Variants in SLC25A48 observed in about 807,000 individuals in gnomAD.
SLC25A48 encodes solute carrier family 25 member 48.
SLC25A48 carries 29 observed loss-of-function variants against 32.2 expected under a neutral mutation model. That is an observed-to-expected ratio of 0.90 (90% CI 0.67 to 1.23). The LOEUF is 1.23. Ranked by LOEUF, SLC25A48 falls within the 50% of genes most tolerant of loss-of-function variation. SLC25A48 has a pLI of 0.00. For synonymous variants in SLC25A48, 164 were observed against 172.3 expected (o/e 0.95, Z 0.38); for missense variants, 399 against 422.7 (o/e 0.94, Z 0.49).
At chr5:135,708,232 C>T (rs1209705997) in intron 3 of SLC25A48, among the ~76,000 whole-genome samples, 1 of 152,184 alleles carries the variant, frequency 6.6e-6, no homozygotes, top group Admixed American at 6.5e-5. Context: ...CCTATGTACC[C>T]ATCACTCAGC....
At chr5:135,740,897 C>T (rs572315367) in intron 3 of SLC25A48, among the ~76,000 whole-genome samples, 1 of 152,190 alleles carries the variant, frequency 6.6e-6, no homozygotes, top group Non-Finnish European at 1.5e-5. Flanking sequence ...AGCCACTGCC[C>T]CCAGCCCAAG....
intron 1 of SLC25A48, among the ~76,000 whole-genome samples, chr5:135,837,896 A>G (rs935169749): frequency 6.6e-6 from 1 of 152,240 alleles, no homozygotes; most frequent in African/African-American, 2.4e-5. Flanking sequence ...GTAGAGTGGG[A>G]TGTTACAGTA....
At chr5:135,800,172 C>T (rs1359753192) in intron 3 of SLC25A48, among the ~76,000 whole-genome samples, 1 of 151,616 alleles carries the variant, frequency 6.6e-6, no homozygotes, top group Non-Finnish European at 1.5e-5. Flanking sequence ...CTTTTAATGT[C>T]CAGTGGGGGA....
In SLC25A48 at chr5:135,842,414, A is replaced by G; in HGVS notation, c.47-2A>G. On this transcript the variant is annotated splice_acceptor_variant, in intron 1 of 7. Transcript: ENST00000681962. LOFTEE classifies it high-confidence loss of function. ...TACTAGGCATTCTTTTTTGATCCAC[A>G]GGTGCAGCCAGTGTCATCGTTGGCC... is the stretch of plus-strand genomic sequence containing the variant. 1 of 1,613,818 alleles carries G rather than the reference A, an allele frequency of 6.2e-7. No homozygotes were observed. The highest frequency in any genetic ancestry group is 8.5e-7 in the Non-Finnish European group (1 of 1,179,748).
intron 2 of SLC25A48, among the ~76,000 whole-genome samples, chr5:135,847,417 A>G (rs926032664): frequency 6.6e-6 from 1 of 152,278 alleles, no homozygotes; most frequent in South Asian, 2.1e-4. Context: ...TGGGGAAACC[A>G]TGTGAGGCAG....
intron 3 of SLC25A48, among the ~76,000 whole-genome samples, chr5:135,668,837 A>G (rs1451639939): frequency 6.6e-6 from 1 of 152,234 alleles, no homozygotes; most frequent in Non-Finnish European, 1.5e-5. Flanking sequence ...TGCAAAGATT[A>G]AACAAAGCAA....
chr5:135,604,053 C>T (rs1302616675), intron 1 of SLC25A48, among the ~76,000 whole-genome samples: 3 of 152,232 alleles, frequency 2.0e-5, no homozygotes, highest in Non-Finnish European at 2.9e-5. Context: ...AATTCTTTGA[C>T]ATGAATTGTC....
chr5:135,587,386 A>G (rs1266368081), intron 1 of SLC25A48, among the ~76,000 whole-genome samples: 5 of 152,204 alleles, frequency 3.3e-5, no homozygotes, highest in Non-Finnish European at 7.3e-5. Context: ...TTCTGAAAAA[A>G]TGTAATGCAC....
intron 1 of SLC25A48, among the ~76,000 whole-genome samples, chr5:135,585,765 G>GATAATAATAATAATAATA (rs575237605): frequency 7.8e-4 from 118 of 151,350 alleles, no homozygotes; most frequent in East Asian, 4.9e-3. Flanking sequence ...GTAAAAAGAA[G>GATAATAATAATAATAATA]ATAATAATAA....
intron 3 of SLC25A48, among the ~76,000 whole-genome samples, chr5:135,643,937 T>C (rs801568): frequency 0.9 from 136,587 of 152,214 alleles, 61,472 homozygotes; most frequent in East Asian, 1. Flanking sequence ...CCAAGGCTGC[T>C]GCTAGTAAAA....
At chr5:135,705,897 T>G (rs1203995940) in intron 3 of SLC25A48, among the ~76,000 whole-genome samples, 3 of 152,098 alleles carry the variant, frequency 2.0e-5, no homozygotes, top group Admixed American at 6.5e-5. Context: ...ACTGGCAGGG[T>G]GGCAGAGGCT....
intron 3 of SLC25A48, among the ~76,000 whole-genome samples, chr5:135,688,118 A>G (rs577332071): frequency 3.3e-4 from 37 of 111,408 alleles, no homozygotes; most frequent in Admixed American, 2.4e-3. Context: ...CACAAGTGCA[A>G]TCATACCGTA....
intron 5 of SLC25A48, among the ~76,000 whole-genome samples, 169 bp from the exon 6 acceptor site, chr5:135,873,852 C>T (rs1467023926): frequency 6.6e-6 from 1 of 152,216 alleles, no homozygotes; most frequent in Non-Finnish European, 1.5e-5. Context: ...TGCCAAGTCT[C>T]ACAGCAAGTG....
chr5:135,631,869 A>G (rs1275658811), intron 2 of SLC25A48, among the ~76,000 whole-genome samples: 1 of 152,230 alleles, frequency 6.6e-6, no homozygotes. Flanking sequence ...AAATGGGTGT[A>G]ACTTCCTGTG....
chr5:135,645,422 T>C (rs753486896), intron 3 of SLC25A48, among the ~76,000 whole-genome samples: 36 of 152,200 alleles, frequency 2.4e-4, no homozygotes, highest in Non-Finnish European at 5.0e-4. Flanking sequence ...GCGTCACCAC[T>C]AGAAAGTGGT....
intron 3 of SLC25A48, among the ~76,000 whole-genome samples, chr5:135,770,086 G>A (rs75074230): frequency 3.3e-5 from 2 of 61,198 alleles, no homozygotes; most frequent in Admixed American, 1.8e-4. Flanking sequence ...CCTAATAGCC[G>A]GGGGGGAGAC....
intron 3 of SLC25A48, among the ~76,000 whole-genome samples, chr5:135,718,929 C>CA (rs1268119293): frequency 6.6e-6 from 1 of 152,152 alleles, no homozygotes; most frequent in Non-Finnish European, 1.5e-5. Context: ...GTTGTGAGTA[C>CA]ACAAAACTAT....
intron 3 of SLC25A48, among the ~76,000 whole-genome samples, chr5:135,794,337 A>G (rs1384732683): frequency 4.0e-5 from 6 of 151,798 alleles, no homozygotes; most frequent in East Asian, 3.9e-4. Flanking sequence ...ATTACTCTCA[A>G]TATCACAGGA....
intron 3 of SLC25A48, among the ~76,000 whole-genome samples, chr5:135,740,307 C>T (rs1755471716): frequency 6.6e-6 from 1 of 152,034 alleles, no homozygotes; most frequent in Non-Finnish European, 1.5e-5. Context: ...GATTCTCATG[C>T]CTCAGCCTCC....
Sources: gnomAD v4.1 joint callset for allele counts (sites outside exome capture counted in the v4.1 genomes callset) on GRCh38, gnomAD v4.1.1 for gene constraint, MANE v1.5 for transcripts, NCBI Gene and HGNC (gene_info 2026-07-23, HGNC 2026-07-21) for gene names.